DHRSX: variants seen among roughly 807,000 people sequenced by gnomAD.
The protein encoded by DHRSX is polyprenol dehydrogenase.
In DHRSX, 31 loss-of-function variants were observed where a neutral mutation model predicts 34.0. That is an observed-to-expected ratio of 0.91 (90% CI 0.69 to 1.23). The LOEUF (loss-of-function observed/expected upper bound fraction) is 1.23. Among genes scored for constraint, DHRSX ranks in the 50% most tolerant of loss-of-function variants. The pLI, the probability that DHRSX is intolerant of heterozygous loss-of-function variation, is 0.00. For missense variants in DHRSX, 414 were observed against 428.1 expected, an observed-to-expected ratio of 0.97 and a Z score of 0.29; for synonymous variants, 201 against 183.8, an observed-to-expected ratio of 1.09 and a Z score of -0.76.
chrX:2,275,462 T>C (rs146180051), intron 4 of DHRSX, among the ~76,000 whole-genome samples: 3,743 of 151,224 alleles, frequency 0.025, 69 homozygotes, highest in South Asian at 0.046. Flanking sequence ...TGAGCTGATA[T>C]CGTGCACTGC....
At chrX:2,319,803 C>A (rs1185720898) in intron 3 of DHRSX, among the ~76,000 whole-genome samples, 1 of 152,004 alleles carries the variant, frequency 6.6e-6, no homozygotes, top group Admixed American at 6.6e-5. Context: ...GTACCCCTAA[C>A]CCCCGTGTTG....
intron 4 of DHRSX, among the ~76,000 whole-genome samples, chrX:2,271,596 A>C (rs2041555595): frequency 6.6e-6 from 1 of 152,208 alleles, no homozygotes; most frequent in South Asian, 2.1e-4. Flanking sequence ...AGGAGTATAA[A>C]CCAACTGGGA....
chrX:2,459,284 T>C (rs2044360338), intron 1 of DHRSX, among the ~76,000 whole-genome samples: 1 of 152,098 alleles, frequency 6.6e-6, no homozygotes, highest in African/African-American at 2.4e-5. Flanking sequence ...CATATTCTCA[T>C]CACCAAAAAA....
At chrX:2,229,561 CAT>C (rs2015816400) in intron 6 of DHRSX, among the ~76,000 whole-genome samples, 2 of 152,046 alleles carry the variant, frequency 1.3e-5, no homozygotes, top group Non-Finnish European at 1.5e-5. Flanking sequence ...ATAATGTGTG[CAT>C]GTGTGTGTGT....
chrX:2,500,770 G>GC, intron 1 of DHRSX, 47 bp downstream of exon 1: 1 of 787,486 alleles, frequency 1.3e-6, no homozygotes, highest in Non-Finnish European at 1.5e-6. Flanking sequence ...GCCAGCCCGC[G>GC]CCCACCCGGG....
intron 3 of DHRSX, among the ~76,000 whole-genome samples, chrX:2,325,441 A>G (rs2042372906): frequency 6.6e-6 from 1 of 152,156 alleles, no homozygotes; most frequent in Non-Finnish European, 1.5e-5. Context: ...AGCAGGAACT[A>G]GAGACTAGAC....
chrX:2,341,621 AT>A (rs1034285411), intron 3 of DHRSX, among the ~76,000 whole-genome samples: 8 of 149,736 alleles, frequency 5.3e-5, no homozygotes, highest in African/African-American at 2.0e-4. Flanking sequence ...CAAATAAAAA[AT>A]CACATGTACA....
chrX:2,347,522 C>G (rs752222816), intron 3 of DHRSX, among the ~76,000 whole-genome samples: 3 of 152,230 alleles, frequency 2.0e-5, no homozygotes, highest in African/African-American at 7.2e-5. Flanking sequence ...GGCAAAAGCC[C>G]GTCTCTAGTA....
At chrX:2,490,505 G>A in intron 1 of DHRSX, 1 of 1,613,956 alleles carries the variant, frequency 6.2e-7, no homozygotes, top group Non-Finnish European at 8.5e-7. Context: ...GAATTCCTCG[G>A]GGTGGTTCTT....
intron 3 of DHRSX, among the ~76,000 whole-genome samples, chrX:2,298,811 C>G (rs376779176): frequency 6.7e-4 from 102 of 151,788 alleles, no homozygotes; most frequent in African/African-American, 2.3e-3. Flanking sequence ...CATGGAGAAA[C>G]CCCGTCTCTA....
chrX:2,312,670 C>T (rs2042177533), intron 3 of DHRSX, among the ~76,000 whole-genome samples: 1 of 152,014 alleles, frequency 6.6e-6, no homozygotes, highest in Admixed American at 6.6e-5. Context: ...TACCTAGTAA[C>T]AAACCTGCAT....
chrX:2,438,178 GAAA>G (rs57891933), intron 1 of DHRSX, among the ~76,000 whole-genome samples: 1 of 127,048 alleles, frequency 7.9e-6, no homozygotes. Flanking sequence ...CTCCATCTCA[GAAA>G]AAAAAAAAAA....
chrX:2,430,917 C>T (rs1299807353), intron 1 of DHRSX, among the ~76,000 whole-genome samples: 1 of 151,998 alleles, frequency 6.6e-6, no homozygotes, highest in Admixed American at 6.6e-5. Flanking sequence ...CTCAGCTACC[C>T]GGGAGGCTGA....
intron 4 of DHRSX, among the ~76,000 whole-genome samples, chrX:2,271,588 G>A (rs1276777453): frequency 6.6e-6 from 1 of 152,114 alleles, no homozygotes; most frequent in Non-Finnish European, 1.5e-5. Context: ...AAAACATCAG[G>A]AGTATAAACC....
intron 4 of DHRSX, among the ~76,000 whole-genome samples, chrX:2,267,838 C>CG (rs2041495750): frequency 6.6e-6 from 1 of 151,772 alleles, no homozygotes; most frequent in South Asian, 2.1e-4. Context: ...CCCAGCTACT[C>CG]GGGGAGGTTG....
chrX:2,327,816 C>G (rs956927326), intron 3 of DHRSX, among the ~76,000 whole-genome samples: 28 of 152,036 alleles, frequency 1.8e-4, no homozygotes, highest in Admixed American at 3.3e-4. Flanking sequence ...TGTGGTGGCT[C>G]ACGCCTGTAA....
intron 3 of DHRSX, among the ~76,000 whole-genome samples, chrX:2,315,539 T>C (rs1033918665): frequency 3.3e-5 from 5 of 152,146 alleles, no homozygotes; most frequent in Non-Finnish European, 7.3e-5. Context: ...CTAGCGAATA[T>C]AGATGCCCAT....
intron 5 of DHRSX, among the ~76,000 whole-genome samples, chrX:2,246,652 G>GA (rs2016290204): frequency 8.3e-6 from 1 of 120,854 alleles, no homozygotes; most frequent in African/African-American, 3.3e-5. Context: ...CAGAAAGAGA[G>GA]AAAGAAAGAA....
In DHRSX at chrX:2,451,266, G is replaced by A. The variant is rs1184164785; in HGVS notation, c.110-25962C>T. ...AAAAAAAAAAAGTTGCATCAAGAATGAAAGGTGCACAAAGGCAGCCAGGGA... is the reference window on the plus strand; with the variant it reads ...AAAAAAAAAAAGTTGCATCAAGAATAAAAGGTGCACAAAGGCAGCCAGGGA... On this transcript the variant is annotated intron_variant, in intron 1 of 6. Transcript: ENST00000334651. 3.4e-5 allele frequency among the ~76,000 whole-genome samples: 5 copies of A among 148,190 alleles called. No individual in the cohort carries two copies. In the Admixed American group the frequency reaches 3.4e-4, roughly 10 times the overall value.
Sources: gnomAD v4.1 joint callset for allele counts (sites outside exome capture counted in the v4.1 genomes callset) on GRCh38, gnomAD v4.1.1 for gene constraint, MANE v1.5 for transcripts, NCBI Gene and HGNC (gene_info 2026-07-23, HGNC 2026-07-21) for gene names.